The following COL26A1 variants were observed in gnomAD, a reference collection of about 807,000 sequenced individuals.
COL26A1 encodes the protein collagen type XXVI alpha 1 chain, also known as collagen alpha-1(XXVI) chain.
Under a neutral mutation model 59.3 loss-of-function variants are expected in COL26A1, and 41 were observed. That is an observed-to-expected ratio of 0.69 (90% confidence interval 0.54 to 0.90). COL26A1 has a LOEUF of 0.90. Among genes scored for constraint, COL26A1 ranks in the 40% least tolerant of loss-of-function variants. The pLI is 0.00. For missense variants in COL26A1, 612 were observed against 602.3 expected (o/e 1.02, Z -0.17); for synonymous variants, 266 against 256.0 (o/e 1.04, Z -0.37).
chr7:101,510,710 G>A (rs117882269), intron 3 of COL26A1, among the ~76,000 whole-genome samples: 2,014 of 151,884 alleles, frequency 0.013, 28 homozygotes, highest in Middle Eastern at 0.027. Flanking sequence ...GGCTGGGAGG[G>A]GGTCTCACGA....
intron 4 of COL26A1, among the ~76,000 whole-genome samples, chr7:101,539,346 TCTC>T (rs1562795911): frequency 1.4e-5 from 2 of 143,940 alleles, no homozygotes; most frequent in African/African-American, 5.1e-5. Context: ...TTTTTTTTTC[TCTC>T]TCTCTCTTTT....
At chr7:101,425,382 G>A (rs1009123338) in intron 2 of COL26A1, among the ~76,000 whole-genome samples, 2 of 152,138 alleles carry the variant, frequency 1.3e-5, no homozygotes, top group Non-Finnish European at 2.9e-5. Context: ...GCCTTAGGAG[G>A]TCCGGGACTG....
At chr7:101,374,509 CT>C (rs1791263916) in intron 1 of COL26A1, among the ~76,000 whole-genome samples, 1 of 152,208 alleles carries the variant, frequency 6.6e-6, no homozygotes, top group Non-Finnish European at 1.5e-5. Context: ...TGCCTTAGCT[CT>C]GCCTCCTGTC....
chr7:101,460,015 A>T (rs373943483), intron 3 of COL26A1, among the ~76,000 whole-genome samples: 36 of 152,316 alleles, frequency 2.4e-4, no homozygotes, highest in African/African-American at 7.5e-4. Flanking sequence ...CTCCTGGTCT[A>T]TCTGCAGAGC....
At chr7:101,362,411 G>A (rs934359716), upstream of COL26A1, among the ~76,000 whole-genome samples, 1 of 152,146 alleles carries the variant, frequency 6.6e-6, no homozygotes, top group African/African-American at 2.4e-5. Flanking sequence ...GGGGAAGGAG[G>A]AGAATCCTGG....
Position 101,545,455 on chromosome 7 carries a change from C to T in COL26A1, c.821C>T (p.Ala274Val). 1.2e-6 allele frequency: 2 copies of T among 1,608,686 alleles called. No individual in the cohort carries two copies. The highest frequency in any genetic ancestry group is 1.7e-6 in the Non-Finnish European group (2 of 1,177,912). Residue 274 changes from alanine to valine, a missense_variant, in exon 7 of 13, where the codon GCC becomes GTC. Physicochemically the swap from Ala to Val is moderately conservative, Grantham distance 64. Transcript: ENST00000313669. ...PGPSPNSPQG[A>V]LYSLQPPTDK... ...CCCTCACCAAACAGCCCCCAGGGCGCCCTCTACTCCCTGCAGCCGCCTACA... is the reference window on the plus strand; with the variant it reads ...CCCTCACCAAACAGCCCCCAGGGCGTCCTCTACTCCCTGCAGCCGCCTACA...
chr7:101,442,329 CTTTTTTTT>C (rs35025332), intron 2 of COL26A1, among the ~76,000 whole-genome samples: 6 of 139,352 alleles, frequency 4.3e-5, no homozygotes, highest in Non-Finnish European at 9.3e-5. Context: ...CTAGGTCTTT[CTTTTTTTT>C]TTTTTTTGAG....
At chr7:101,473,998 G>C (rs1021780733) in intron 3 of COL26A1, among the ~76,000 whole-genome samples, 2 of 152,220 alleles carry the variant, frequency 1.3e-5, no homozygotes, top group African/African-American at 2.4e-5. Context: ...GAGGCTGCTT[G>C]AATGTGTCTG....
At chr7:101,417,090 A>C (rs6949868) in intron 1 of COL26A1, among the ~76,000 whole-genome samples, 26,535 of 152,122 alleles carry the variant, frequency 0.17, 2,805 homozygotes, top group Non-Finnish European at 0.24. Flanking sequence ...GAGGACATTA[A>C]TTATGCTTTA....
chr7:101,474,439 A>T (rs978061667), intron 3 of COL26A1, among the ~76,000 whole-genome samples: 1 of 151,976 alleles, frequency 6.6e-6, no homozygotes, highest in Non-Finnish European at 1.5e-5. Context: ...TCTAAAAAAA[A>T]AAATTAGCCA....
intron 4 of COL26A1, among the ~76,000 whole-genome samples, chr7:101,536,933 A>G: frequency 6.6e-6 from 1 of 152,208 alleles, no homozygotes; most frequent in Non-Finnish European, 1.5e-5. Context: ...TGAAGCACCC[A>G]AACAGACTCC....
chr7:101,411,399 G>T (rs1431301664), intron 1 of COL26A1, among the ~76,000 whole-genome samples: 1 of 152,068 alleles, frequency 6.6e-6, no homozygotes, highest in Non-Finnish European at 1.5e-5. Flanking sequence ...CGCGCCCTCT[G>T]GTGGTAGATA....
Position 101,428,263 on chromosome 7 carries a change from G to T in COL26A1, c.281+8164G>T, listed in dbSNP as rs375022336. Among the ~76,000 whole-genome samples the T allele has an allele frequency of 5.9e-5, 9 of 151,624 alleles. No homozygotes were observed. The East Asian group carries it at 1.2e-3, about 20-fold the overall frequency. ...TTCCAGCTACTCAGGAGGCTGAGGTGGGAGAATGGCTTGAACCTGGGAGGT... is the reference window on the plus strand; with the variant it reads ...TTCCAGCTACTCAGGAGGCTGAGGTTGGAGAATGGCTTGAACCTGGGAGGT... On this transcript the variant is annotated intron_variant, in intron 2 of 12. Coordinates refer to ENST00000313669, the MANE Select transcript of COL26A1 (RefSeq NM_001278563.3).
chr7:101,469,765 C>T (rs1793850255), intron 3 of COL26A1, among the ~76,000 whole-genome samples: 1 of 152,092 alleles, frequency 6.6e-6, no homozygotes, highest in South Asian at 2.1e-4. Context: ...GATGGGATTA[C>T]AGGCGTGAAC....
intron 1 of COL26A1, among the ~76,000 whole-genome samples, chr7:101,384,230 G>GTT (rs35085221): frequency 0.012 from 1,281 of 105,582 alleles, 30 homozygotes; most frequent in East Asian, 0.092. Flanking sequence ...GTTCAGGCTG[G>GTT]TTTTTTTTTT....
At chr7:101,407,019 G>A (rs555055999) in intron 1 of COL26A1, among the ~76,000 whole-genome samples, 2 of 152,238 alleles carry the variant, frequency 1.3e-5, no homozygotes, top group South Asian at 4.1e-4. Context: ...AATAGGGTGA[G>A]TCTCCAAGCT....
rs543788402 is a variant in COL26A1, at chr7:101,415,171, G to C, written c.159-4806G>C. On this transcript the variant is annotated intron_variant, in intron 1 of 12. Transcript: ENST00000313669. ...TAACCCCCCCCCTTTTTTTTTTTGA[G>C]ACGGAGTCTCTCTCTCTGTCGCCCA... Among the ~76,000 whole-genome samples the C allele has an allele frequency of 2.2e-5, 3 of 139,152 alleles. 1 individual carries two copies. In the Admixed American group the frequency reaches 2.2e-4, roughly 10 times the overall value. 91.3% of individuals were successfully genotyped at this position (139,152 alleles called of 152,430 possible). A position where few individuals can be genotyped will look rare whatever the true frequency, so the allele number is the denominator to read the frequency against.
At chr7:101,364,868 C>G (rs895216928) in intron 1 of COL26A1, among the ~76,000 whole-genome samples, 1 of 152,158 alleles carries the variant, frequency 6.6e-6, no homozygotes, top group Admixed American at 6.6e-5. Flanking sequence ...CCACGCCAGG[C>G]CCAGATCTGG....
At chr7:101,539,834 C>T (rs900661970) in intron 4 of COL26A1, 59 bp from the exon 5 acceptor site, 13 of 1,528,238 alleles carry the variant, frequency 8.5e-6, no homozygotes, top group Middle Eastern at 1.8e-4. Flanking sequence ...CTGTGTGTCA[C>T]GCATGTCCCT....
Sources: allele counts gnomAD v4.1 joint callset (sites outside exome capture counted in the v4.1 genomes callset), GRCh38; gene constraint gnomAD v4.1.1; transcripts MANE v1.5; gene names NCBI Gene and HGNC (gene_info 2026-07-23, HGNC 2026-07-21).